PCCA: variants seen among roughly 807,000 people sequenced by gnomAD.
PCCA encodes the protein propionyl-CoA carboxylase alpha chain, mitochondrial.
A neutral mutation model predicts 101.3 loss-of-function variants in PCCA; 74 were observed. That is an observed-to-expected ratio of 0.73 (90% CI 0.61 to 0.89). PCCA has a LOEUF of 0.89. PCCA is among the 40% of genes least tolerant of loss of function. The pLI is 0.00. For missense variants in PCCA, 891 were observed against 907.0 expected (o/e 0.98, Z 0.23); for synonymous variants, 294 against 313.6 (o/e 0.94, Z 0.66).
rs151015942 is a variant in PCCA at position 100,223,589 on chromosome 13, A to G, written c.601-12253A>G. On this transcript the variant is annotated intron_variant, in intron 7 of 23. Transcript: ENST00000376285. ...TGAGCAGCAGCAAGATTTATTGCAA[A>G]GAACTAAAGAACAAAGCTTCCACAG... is the stretch of plus-strand genomic sequence containing the variant. Among the ~76,000 whole-genome samples the G allele has an allele frequency of 4.4e-3, 677 of 152,248 alleles. 4 individuals are homozygous for G. Among genetic ancestry groups the G allele is most frequent in the Non-Finnish European group, 5.2e-3 (355 of 68,020 alleles).
chr13:100,494,677 C>CAAAAA (rs11459166), intron 21 of PCCA, among the ~76,000 whole-genome samples: 18 of 143,596 alleles, frequency 1.3e-4, no homozygotes, highest in African/African-American at 3.9e-4. Flanking sequence ...GAGCAAAACT[C>CAAAAA]AAAAAAAAAA....
intron 7 of PCCA, among the ~76,000 whole-genome samples, chr13:100,223,866 G>A (rs1325796767): frequency 6.6e-6 from 1 of 152,080 alleles, no homozygotes; most frequent in East Asian, 1.9e-4. Context: ...ACAGAGTGTC[G>A]ATTGGTGCAT....
chr13:100,115,045 T>C (rs931995801), intron 4 of PCCA, among the ~76,000 whole-genome samples: 1 of 152,152 alleles, frequency 6.6e-6, no homozygotes, highest in African/African-American at 2.4e-5. Context: ...CATCAACAGA[T>C]GAATGGATAA....
chr13:100,438,316 A>T (rs2080094712), intron 20 of PCCA, among the ~76,000 whole-genome samples: 1 of 151,626 alleles, frequency 6.6e-6, no homozygotes, highest in African/African-American at 2.4e-5. Flanking sequence ...CACCACATGC[A>T]ATTAATTTTG....
chr13:100,252,294 A>C (rs1330823421), intron 8 of PCCA, among the ~76,000 whole-genome samples: 1 of 152,148 alleles, frequency 6.6e-6, no homozygotes, highest in Non-Finnish European at 1.5e-5. Flanking sequence ...AGTTAATTAT[A>C]GGTGTTTTGC....
At chr13:100,244,629 A>G (rs2061333860) in intron 8 of PCCA, among the ~76,000 whole-genome samples, 1 of 152,124 alleles carries the variant, frequency 6.6e-6, no homozygotes, top group Non-Finnish European at 1.5e-5. Flanking sequence ...TTTGTTTGGA[A>G]ACTTCCTGTG....
intron 4 of PCCA, among the ~76,000 whole-genome samples, chr13:100,132,270 C>CCATTACCCCTCAGACTCCCTTGTGAGT (rs11269288): frequency 0.8 from 106,557 of 133,132 alleles, 44,308 homozygotes; most frequent in East Asian, 0.98. Context: ...CAGAGTAGTT[C>CCATTACCCCTCAGACTCCCTTGTGAGT]CATTACCCCT....
At chr13:100,501,935 G>T (rs1378499710) in intron 21 of PCCA, among the ~76,000 whole-genome samples, 2 of 151,520 alleles carry the variant, frequency 1.3e-5, no homozygotes, top group Admixed American at 6.6e-5. Flanking sequence ...AAACTCAGGT[G>T]GGGGGCCTAG....
chr13:100,333,370 G>A (rs921614527), intron 17 of PCCA, among the ~76,000 whole-genome samples: 2 of 152,170 alleles, frequency 1.3e-5, no homozygotes, highest in Non-Finnish European at 2.9e-5. Context: ...CATCTGTTCA[G>A]CTATCCTAGG....
At chr13:100,201,660 C>T (rs559518018) in intron 6 of PCCA, among the ~76,000 whole-genome samples, 16 of 151,924 alleles carry the variant, frequency 1.1e-4, no homozygotes, top group African/African-American at 3.9e-4. Context: ...GAGTTTGAGA[C>T]CAGCCTGACC....
At chr13:100,449,074 A>G (rs760520588) in intron 20 of PCCA, among the ~76,000 whole-genome samples, 178 bp from the exon 21 acceptor site, 4 of 152,250 alleles carry the variant, frequency 2.6e-5, no homozygotes, top group Non-Finnish European at 4.4e-5. Flanking sequence ...CTTCTATTGT[A>G]GCATGTATCA....
chr13:100,413,523 G>A (rs947756116), intron 19 of PCCA, among the ~76,000 whole-genome samples: 9 of 152,172 alleles, frequency 5.9e-5, no homozygotes, highest in African/African-American at 2.2e-4. Context: ...CTTGGAAAAG[G>A]AGAAAAATAG....
chr13:100,253,167 T>C (rs1455734320), intron 8 of PCCA, among the ~76,000 whole-genome samples: 1 of 152,210 alleles, frequency 6.6e-6, no homozygotes, highest in Admixed American at 6.5e-5. Context: ...CTTATTTATT[T>C]ATATTAATAT....
chr13:100,402,944 A>C (rs2077455226), intron 19 of PCCA, among the ~76,000 whole-genome samples: 1 of 152,124 alleles, frequency 6.6e-6, no homozygotes, highest in African/African-American at 2.4e-5. Flanking sequence ...AATTGAAATG[A>C]TAGTTAGATT....
chr13:100,436,343 T>C (rs534821677), intron 20 of PCCA, among the ~76,000 whole-genome samples: 4 of 152,350 alleles, frequency 2.6e-5, no homozygotes, highest in South Asian at 2.1e-4. Flanking sequence ...ATCAGTCTGA[T>C]TGGTTTTGGA....
chr13:100,312,079 G>T (rs1263907733), intron 16 of PCCA, among the ~76,000 whole-genome samples: 2 of 152,190 alleles, frequency 1.3e-5, no homozygotes, highest in Non-Finnish European at 1.5e-5. Context: ...CTGGTGCTTA[G>T]CAGTGTCTGA....
chr13:100,422,135 C>CTTTTTTTTTTTTTTT (rs1232975466), intron 19 of PCCA, among the ~76,000 whole-genome samples: 1 of 68,782 alleles, frequency 1.5e-5, no homozygotes, highest in Non-Finnish European at 3.0e-5. Context: ...TTCTTTCTTT[C>CTTTTTTTTTTTTTTT]TTTTTTTTTT....
chr13:100,258,895 C>T (rs1485583193), intron 9 of PCCA, among the ~76,000 whole-genome samples: 2 of 150,838 alleles, frequency 1.3e-5, no homozygotes, highest in Non-Finnish European at 3.0e-5. Context: ...AATAAACCAT[C>T]TCAGAAAACT....
chr13:100,240,460 C>G (rs909830609), intron 8 of PCCA, among the ~76,000 whole-genome samples: 6 of 151,818 alleles, frequency 4.0e-5, no homozygotes, highest in African/African-American at 7.3e-5. Context: ...TAGCTCCTTG[C>G]AGTCTTTCAT....
Sources: allele counts gnomAD v4.1 joint callset (sites outside exome capture counted in the v4.1 genomes callset), GRCh38; gene constraint gnomAD v4.1.1; transcripts MANE v1.5; gene names NCBI Gene and HGNC (gene_info 2026-07-23, HGNC 2026-07-21).